Variants in UBE2D4 observed in about 807,000 individuals in gnomAD.
UBE2D4 encodes ubiquitin conjugating enzyme E2 D4, also known as ubiquitin-conjugating enzyme E2 D4.
Under a neutral mutation model 23.0 loss-of-function variants are expected in UBE2D4, and 17 were observed. The ratio of observed to expected loss-of-function variants is 0.74; its 90% CI spans 0.51 to 1.11. The LOEUF is 1.11. Among genes scored for constraint, UBE2D4 ranks in the 50% least tolerant of loss-of-function variants. The pLI, the probability that UBE2D4 is intolerant of heterozygous loss-of-function variation, is 0.00. For missense variants in UBE2D4, 139 were observed against 181.8 expected, an observed-to-expected ratio of 0.76 and a Z score of 1.35; for synonymous variants, 61 against 69.4, an observed-to-expected ratio of 0.88 and a Z score of 0.60.
intron 1 of UBE2D4, among the ~76,000 whole-genome samples, chr7:43,928,421 CTT>C (rs11296219): frequency 8.2e-5 from 12 of 146,412 alleles, no homozygotes; most frequent in Admixed American, 2.7e-4. Flanking sequence ...GAGTATGACT[CTT>C]TTTTTTTTTT....
At chr7:43,949,957 A>G (rs1412288333) in intron 5 of UBE2D4, among the ~76,000 whole-genome samples, 1 of 151,904 alleles carries the variant, frequency 6.6e-6, no homozygotes, top group African/African-American at 2.4e-5. Context: ...CAGGTTCAAG[A>G]GATTCTCCTG....
At chr7:43,927,846 G>A (rs766676130) in intron 1 of UBE2D4, among the ~76,000 whole-genome samples, 1 of 152,202 alleles carries the variant, frequency 6.6e-6, no homozygotes, top group Non-Finnish European at 1.5e-5. Context: ...CATGCTTGCT[G>A]TATACCAAAC....
intron 1 of UBE2D4, among the ~76,000 whole-genome samples, chr7:43,933,240 A>G (rs1413233477): frequency 1.3e-5 from 2 of 151,292 alleles, no homozygotes; most frequent in Non-Finnish European, 2.9e-5. Context: ...TTTGATGTGT[A>G]TGTGTTTCAG....
intron 2 of UBE2D4, among the ~76,000 whole-genome samples, chr7:43,940,341 C>T (rs531156232): frequency 6.6e-6 from 1 of 152,318 alleles, no homozygotes; most frequent in East Asian, 1.9e-4. Flanking sequence ...TCACAAGCAC[C>T]CCAGGTCTCC....
At chr7:43,941,939 A>G (rs1215678432) in intron 2 of UBE2D4, 1 of 152,080 alleles carries the variant, frequency 6.6e-6, no homozygotes, top group Middle Eastern at 3.2e-3. Flanking sequence ...TCTTGTCCCC[A>G]AAAGATCTGG....
At chr7:43,933,170 A>G (rs2095951090) in intron 1 of UBE2D4, among the ~76,000 whole-genome samples, 1 of 150,958 alleles carries the variant, frequency 6.6e-6, no homozygotes, top group African/African-American at 2.4e-5. Flanking sequence ...GTATATATAT[A>G]TATATTCTAC....
intron 1 of UBE2D4, 147 bp downstream of exon 1, chr7:43,926,703 C>A (rs2095931792): frequency 3.4e-6 from 3 of 887,476 alleles, no homozygotes; most frequent in South Asian, 2.4e-5. Context: ...GCCTCCCGCG[C>A]AGCCTGAAAA....
chr7:43,940,202 G>C (rs1435499319), intron 2 of UBE2D4, among the ~76,000 whole-genome samples: 2 of 152,104 alleles, frequency 1.3e-5, no homozygotes, highest in East Asian at 3.9e-4. Flanking sequence ...CTCATTTCTG[G>C]AGCAGAGCAG....
chr7:43,935,270 A>G (rs568774110), intron 1 of UBE2D4, among the ~76,000 whole-genome samples: 1 of 152,356 alleles, frequency 6.6e-6, no homozygotes, highest in East Asian at 1.9e-4. Flanking sequence ...AAAGGCAGAG[A>G]CAGAATAAGA....
At chr7:43,943,275 T>C (rs145388561) in intron 4 of UBE2D4, 4 of 590,694 alleles carry the variant, frequency 6.8e-6, no homozygotes, top group Admixed American at 3.0e-5. Context: ...GTTTGAATGC[T>C]TCTCCTTGTG....
Position 43,952,662 on chromosome 7 carries a change from A to G in UBE2D4, c.411A>G (p.Leu137=). The G allele has an allele frequency of 6.2e-7, 1 of 1,613,928 alleles. No homozygotes were observed. The highest frequency in any genetic ancestry group is 2.2e-5 in the East Asian group (1 of 44,880). Residue 137 remains leucine, a synonymous_variant, in exon 7 of 7, where the codon CTA becomes CTG. Transcript: ENST00000222402. ...TTTTTTATTCCAGGTACAACAGACTAGCAAGAGAGTGGACACAAAAATATG... is the reference window on the plus strand; with the variant it reads ...TTTTTTATTCCAGGTACAACAGACTGGCAAGAGAGTGGACACAAAAATATG... ...YKADREKYNR[L]AREWTQKYAM
intron 5 of UBE2D4, among the ~76,000 whole-genome samples, chr7:43,949,755 C>T (rs544712004): frequency 6.6e-6 from 1 of 152,356 alleles, no homozygotes; most frequent in East Asian, 1.9e-4. Context: ...TTCCCTTCCC[C>T]TAGGGTTGCT....
intron 5 of UBE2D4, among the ~76,000 whole-genome samples, chr7:43,950,084 G>A (rs568832723): frequency 3.9e-5 from 6 of 152,158 alleles, no homozygotes; most frequent in South Asian, 4.1e-4. Context: ...TTGAACTCCC[G>A]ACCTCAGGTG....
chr7:43,939,022 T>C (rs868127528), intron 2 of UBE2D4, among the ~76,000 whole-genome samples: 1 of 152,222 alleles, frequency 6.6e-6, no homozygotes, highest in Non-Finnish European at 1.5e-5. Context: ...TCATGTCCCA[T>C]AGTCACCGCT....
intron 6 of UBE2D4, among the ~76,000 whole-genome samples, chr7:43,951,669 T>A (rs2096002758): frequency 1.3e-5 from 2 of 152,108 alleles, no homozygotes; most frequent in African/African-American, 4.8e-5. Context: ...TAGCTGGGAC[T>A]ACAGGCGTGT....
rs1180997874 is a variant in UBE2D4 at position 43,955,820 on chromosome 7, T to A, written c.*3125T>A. 2.0e-5 allele frequency: 3 copies of A among 151,874 alleles called. No homozygotes were observed. The highest frequency in any genetic ancestry group is 4.4e-5 in the Non-Finnish European group (3 of 68,032). 9.4% of individuals were successfully genotyped at this position (151,874 alleles called of 1,614,324 possible). On this transcript the variant is annotated 3_prime_UTR_variant, in exon 7 of 7. Coordinates refer to ENST00000222402, the MANE Select transcript of UBE2D4 (RefSeq NM_015983.4). Reference sequence around the variant, plus strand: ...TCCTCTGACTGTGAAACACTTCCTCTCCAGCAGTGTTGGGAAAGTTCTGGA... The same window carrying A: ...TCCTCTGACTGTGAAACACTTCCTCACCAGCAGTGTTGGGAAAGTTCTGGA...
At chr7:43,929,615 A>G (rs1479780127) in intron 1 of UBE2D4, among the ~76,000 whole-genome samples, 4 of 152,048 alleles carry the variant, frequency 2.6e-5, no homozygotes, top group African/African-American at 9.7e-5. Flanking sequence ...GTCTTAAAAC[A>G]AAAGCAAAAC....
intron 1 of UBE2D4, among the ~76,000 whole-genome samples, chr7:43,934,706 A>G (rs1398322035): frequency 1.3e-5 from 2 of 151,486 alleles, no homozygotes; most frequent in African/African-American, 4.9e-5. Context: ...ACACACATTC[A>G]CACACATGCA....
rs2132815125 is a variant in UBE2D4 at position 43,955,596 on chromosome 7, T to C, written c.*2901T>C. The C allele has an allele frequency of 6.6e-6, 1 of 152,316 alleles. No individual in the cohort carries two copies. The allele number at this position is 152,316 out of a possible 1,614,324, so 9.4% of individuals were successfully genotyped here. On this transcript the variant is annotated 3_prime_UTR_variant, in exon 7 of 7. Transcript: ENST00000222402. Reference sequence around the variant, plus strand: ...CACTGCAGTTGCTCAAGGATGGGTATGTTTCTGTCTCTGAAATTCGGGAAA... The same window carrying C: ...CACTGCAGTTGCTCAAGGATGGGTACGTTTCTGTCTCTGAAATTCGGGAAA...
Sources: gnomAD v4.1 joint callset for allele counts (sites outside exome capture counted in the v4.1 genomes callset) on GRCh38, gnomAD v4.1.1 for gene constraint, MANE v1.5 for transcripts, NCBI Gene and HGNC (gene_info 2026-07-23, HGNC 2026-07-21) for gene names.